The following MLIP variants were observed in gnomAD, a reference collection of about 807,000 sequenced individuals.
The protein encoded by MLIP is muscular LMNA-interacting protein.
A neutral mutation model predicts 84.8 loss-of-function variants in MLIP; 79 were observed. The ratio of observed to expected loss-of-function variants is 0.93; its 90% confidence interval spans 0.78 to 1.12. The LOEUF (loss-of-function observed/expected upper bound fraction) is 1.12. Among genes scored for constraint, MLIP ranks in the 50% most tolerant of loss-of-function variants. The probability of loss-of-function intolerance (pLI) is 0.00; values close to 1 mark genes in which losing one functional copy is unlikely to be tolerated. For missense variants in MLIP, 1,257 were observed against 1,160.6 expected, an observed-to-expected ratio of 1.08 and a Z score of -1.21; for synonymous variants, 504 against 463.0, an observed-to-expected ratio of 1.09 and a Z score of -1.14.
chr6:54,060,212 C>T (rs750539374), intron 1 of MLIP, among the ~76,000 whole-genome samples: 37 of 152,202 alleles, frequency 2.4e-4, no homozygotes, highest in Admixed American at 1.1e-3. Context: ...ATCTACTCTA[C>T]ATTTTAAAGA....
At chr6:54,152,853 T>G (rs1009633418) in intron 5 of MLIP, among the ~76,000 whole-genome samples, 1 of 134,278 alleles carries the variant, frequency 7.4e-6, no homozygotes, top group Non-Finnish European at 1.6e-5. Context: ...ATCATGTAGT[T>G]GTTAAAGGAG....
intron 3 of MLIP, among the ~76,000 whole-genome samples, chr6:54,130,969 T>C (rs1370720373): frequency 2.0e-5 from 3 of 152,120 alleles, no homozygotes; most frequent in East Asian, 3.8e-4. Flanking sequence ...AGTCAAACTC[T>C]GAAAAGAAAT....
At chr6:54,113,179 A>G (rs972791291) in intron 1 of MLIP, among the ~76,000 whole-genome samples, 1 of 152,180 alleles carries the variant, frequency 6.6e-6, no homozygotes, top group African/African-American at 2.4e-5. Flanking sequence ...ACCTATAGTC[A>G]TGACATGGAA....
intron 9 of MLIP, among the ~76,000 whole-genome samples, chr6:54,178,762 T>A (rs988706534): frequency 3.9e-5 from 6 of 152,200 alleles, no homozygotes; most frequent in Admixed American, 3.9e-4. Context: ...AGATGCTTGA[T>A]ATTATTTTAA....
chr6:54,251,596 T>C lies in MLIP; in HGVS notation c.2923-5712T>C, dbSNP rs1255970142. On this transcript the variant is annotated intron_variant, in intron 12 of 13. Transcript: ENST00000502396. ...TATAGCATATAATATATAATACAAA[T>C]ATATATATTATAACATATAATATAT... 1.7e-4 allele frequency among the ~76,000 whole-genome samples: 13 copies of C among 78,448 alleles called. 3 individuals are homozygous for C. The highest frequency in any genetic ancestry group is 1.1e-3 in the African/African-American group (13 of 11,888). 51.5% of individuals were successfully genotyped at this position (78,448 alleles called of 152,430 possible).
At chr6:54,264,460 C>T (rs1253092271) in intron 13 of MLIP, among the ~76,000 whole-genome samples, 1 of 151,938 alleles carries the variant, frequency 6.6e-6, no homozygotes, top group Non-Finnish European at 1.5e-5. Flanking sequence ...AGCACTATGA[C>T]CTTGGGTGTG....
At chr6:54,111,057 C>G (rs940893129), upstream of MLIP, among the ~76,000 whole-genome samples, 1 of 152,214 alleles carries the variant, frequency 6.6e-6, no homozygotes, top group Non-Finnish European at 1.5e-5. Flanking sequence ...TAAATGTTCT[C>G]TATGAGCATG....
intron 1 of MLIP, among the ~76,000 whole-genome samples, chr6:54,026,505 G>A (rs1182556346): frequency 1.3e-5 from 2 of 152,094 alleles, no homozygotes; most frequent in African/African-American, 4.8e-5. Flanking sequence ...AGAATCTATA[G>A]CAAGAAATTT....
chr6:54,113,416 T>TG (rs1769643645), intron 1 of MLIP, among the ~76,000 whole-genome samples: 1 of 152,200 alleles, frequency 6.6e-6, no homozygotes, highest in African/African-American at 2.4e-5. Flanking sequence ...GAAGGCCTGT[T>TG]GTATTACGTA....
intron 1 of MLIP, among the ~76,000 whole-genome samples, chr6:54,038,365 G>A (rs1417683649): frequency 6.6e-6 from 1 of 151,874 alleles, no homozygotes; most frequent in Non-Finnish European, 1.5e-5. Context: ...GTTTGGATTA[G>A]TGTTTGTCTG....
chr6:54,197,575 A>AT (rs1205082286), intron 10 of MLIP, among the ~76,000 whole-genome samples: 2 of 151,762 alleles, frequency 1.3e-5, no homozygotes, highest in Admixed American at 1.3e-4. Context: ...GAATCTTCTC[A>AT]TTTTTTTTCT....
At chr6:54,231,032 A>G in intron 12 of MLIP, 115 bp downstream of exon 12, 1 of 735,288 alleles carries the variant, frequency 1.4e-6, no homozygotes, top group Non-Finnish European at 2.1e-6. Flanking sequence ...AATATTAAAT[A>G]TCTAAATGTA....
At position 54,088,717 on chromosome 6, in the gene MLIP, C is replaced by T. The variant is rs1009108018; in HGVS notation, c.64-32730C>T. Among the ~76,000 whole-genome samples, 3 of 152,122 alleles carry T rather than the reference C, an allele frequency of 2.0e-5. No individual in the cohort carries two copies. In the East Asian group the frequency reaches 5.8e-4, roughly 29 times the overall value. ...TTGGTAAGCAAATCTCGCGGTTGTG[C>T]CAGGTGATCCATTAGGGTATGGAGA... On this transcript the variant is annotated intron_variant, in intron 1 of 12. Transcript: ENST00000274897.
intron 1 of MLIP, among the ~76,000 whole-genome samples, chr6:54,024,547 C>G (rs960776256): frequency 1.3e-5 from 2 of 152,182 alleles, no homozygotes; most frequent in Non-Finnish European, 2.9e-5. Flanking sequence ...CAGTATACAT[C>G]ACTAGACACT....
intron 5 of MLIP, among the ~76,000 whole-genome samples, chr6:54,149,760 C>T (rs1359982338): frequency 1.3e-5 from 2 of 152,030 alleles, no homozygotes; most frequent in African/African-American, 2.4e-5. Flanking sequence ...GAGATTTTTG[C>T]TTTGCTATTA....
chr6:54,078,045 T>C (rs1029018355), intron 1 of MLIP, among the ~76,000 whole-genome samples: 1 of 152,200 alleles, frequency 6.6e-6, no homozygotes, highest in Admixed American at 6.5e-5. Context: ...ATAGGTTGTA[T>C]GCCCACAAGA....
intron 1 of MLIP, chr6:54,045,471 G>C (rs1764992697): frequency 6.6e-6 from 1 of 152,176 alleles, no homozygotes; most frequent in Non-Finnish European, 1.5e-5. Flanking sequence ...GTGAGTCGTC[G>C]TGACTTTTAT....
intron 1 of MLIP, among the ~76,000 whole-genome samples, chr6:54,036,774 A>T (rs1764469944): frequency 6.6e-6 from 1 of 152,012 alleles, no homozygotes; most frequent in Admixed American, 6.6e-5. Context: ...GGTCAAAGAG[A>T]TACCTGCATT....
chr6:54,141,366 G>T (rs1476724451), intron 4 of MLIP, among the ~76,000 whole-genome samples: 2 of 147,484 alleles, frequency 1.4e-5, no homozygotes, highest in African/African-American at 5.2e-5. Flanking sequence ...CAGTGTAGTG[G>T]TGTGATCTTG....
Sources: allele counts gnomAD v4.1 joint callset (sites outside exome capture counted in the v4.1 genomes callset), GRCh38; gene constraint gnomAD v4.1.1; transcripts MANE v1.5; gene names NCBI Gene and HGNC (gene_info 2026-07-23, HGNC 2026-07-21).